PSPC1: variants seen among roughly 807,000 people sequenced by gnomAD.
PSPC1 encodes the protein paraspeckle protein 1.
A neutral mutation model predicts 51.6 loss-of-function variants in PSPC1; 14 were observed. The observed-to-expected ratio is 0.27, with a 90% CI of 0.18 to 0.42. The LOEUF (loss-of-function observed/expected upper bound fraction) is 0.42. Ranked by LOEUF, PSPC1 falls within the 10% of genes least tolerant of loss-of-function variation. The probability of loss-of-function intolerance (pLI) is 1.00; values close to 1 mark genes in which losing one functional copy is unlikely to be tolerated. For missense variants in PSPC1, 406 were observed against 701.1 expected, an observed-to-expected ratio of 0.58 and a Z score of 4.75; for synonymous variants, 193 against 231.9, an observed-to-expected ratio of 0.83 and a Z score of 1.53.
intron 6 of PSPC1, among the ~76,000 whole-genome samples, chr13:19,728,599 T>A (rs1253264682): frequency 6.6e-6 from 1 of 152,120 alleles, no homozygotes; most frequent in East Asian, 1.9e-4. Flanking sequence ...ATTAATATAC[T>A]CCCATTAACA....
chr13:19,715,949 G>A (rs1882040958), intron 6 of PSPC1, among the ~76,000 whole-genome samples: 1 of 152,102 alleles, frequency 6.6e-6, no homozygotes, highest in African/African-American at 2.4e-5. Flanking sequence ...GGGAGGCGGA[G>A]CTTGCAGTGA....
At position 19,751,840 on chromosome 13, in the gene PSPC1, G is replaced by A. The variant is rs372659499; in HGVS notation, c.771-373C>T. 5.1e-4 allele frequency among the ~76,000 whole-genome samples: 77 copies of A among 152,168 alleles called. 1 individual carries two copies. The South Asian group carries it at 0.015, about 30-fold the overall frequency. On this transcript the variant is annotated intron_variant, in intron 3 of 8. Coordinates refer to ENST00000338910, the MANE Select transcript of PSPC1 (RefSeq NM_001354909.2). ...CGGGAGGCCGAGGCGGGCAGATCAC[G>A]AGGTCAGGATATCAAGACCATCCTG...
downstream of PSPC1, chr13:19,671,410 C>G: frequency 1.3e-6 from 1 of 796,376 alleles, no homozygotes; most frequent in Non-Finnish European, 2.1e-6. Flanking sequence ...CAGGCACTCC[C>G]TGGGGTAGTG....
intron 3 of PSPC1, among the ~76,000 whole-genome samples, chr13:19,758,336 T>C (rs1887291518): frequency 6.6e-6 from 1 of 151,254 alleles, no homozygotes; most frequent in African/African-American, 2.4e-5. Flanking sequence ...TGCACTCATA[T>C]AGGCAATTTA....
chr13:19,700,571 T>C (rs947447690), downstream of PSPC1, among the ~76,000 whole-genome samples: 4 of 152,002 alleles, frequency 2.6e-5, no homozygotes, highest in South Asian at 2.1e-4. Context: ...TTACAAAATA[T>C]ACAAAAATGG....
chr13:19,681,803 G>A (rs1395086710), intron 6 of PSPC1, among the ~76,000 whole-genome samples: 1 of 152,072 alleles, frequency 6.6e-6, no homozygotes, highest in South Asian at 2.1e-4. Context: ...CATGACAAAG[G>A]CACAGACCAC....
At chr13:19,758,256 T>C (rs1887281049) in intron 3 of PSPC1, among the ~76,000 whole-genome samples, 1 of 151,286 alleles carries the variant, frequency 6.6e-6, no homozygotes, top group Non-Finnish European at 1.5e-5. Flanking sequence ...GAGCTTGCAG[T>C]GAGCCGAGAT....
chr13:19,699,888 C>CATT (rs139238047), downstream of PSPC1, among the ~76,000 whole-genome samples: 356 of 152,096 alleles, frequency 2.3e-3, 3 homozygotes, highest in African/African-American at 7.6e-3. Flanking sequence ...TATTTTAACA[C>CATT]ATTAGATGTT....
At chr13:19,735,862 C>T (rs1884711871) in intron 5 of PSPC1, among the ~76,000 whole-genome samples, 1 of 152,006 alleles carries the variant, frequency 6.6e-6, no homozygotes, top group Non-Finnish European at 1.5e-5. Context: ...CCCTCTGTCA[C>T]CCAGGCTGGA....
chr13:19,709,995 T>C (rs1314864795), intron 6 of PSPC1, among the ~76,000 whole-genome samples: 74 of 152,330 alleles, frequency 4.9e-4, no homozygotes, highest in African/African-American at 1.6e-3. Flanking sequence ...AAAATAGAAA[T>C]GACTGTTACC....
intron 6 of PSPC1, among the ~76,000 whole-genome samples, chr13:19,690,821 G>A (rs1383841450): frequency 6.6e-6 from 1 of 152,152 alleles, no homozygotes; most frequent in Non-Finnish European, 1.5e-5. Context: ...TCTTTAGACA[G>A]GGTACATATT....
chr13:19,714,667 G>A (rs950054699), intron 6 of PSPC1, among the ~76,000 whole-genome samples: 2 of 151,886 alleles, frequency 1.3e-5, no homozygotes, highest in African/African-American at 4.8e-5. Flanking sequence ...GATAATTTTT[G>A]TGTTTTTTGT....
intron 6 of PSPC1, among the ~76,000 whole-genome samples, chr13:19,728,238 TA>T (rs1384405105): frequency 6.6e-6 from 1 of 152,188 alleles, no homozygotes; most frequent in African/African-American, 2.4e-5. Context: ...ATTTTATACT[TA>T]AAAGTCCCAT....
chr13:19,712,679 A>G (rs1881589849), intron 6 of PSPC1, among the ~76,000 whole-genome samples: 1 of 152,142 alleles, frequency 6.6e-6, no homozygotes, highest in Non-Finnish European at 1.5e-5. Context: ...AGAATACTCC[A>G]TGCTACCATA....
downstream of PSPC1, chr13:19,673,341 T>C (rs1876265120): frequency 6.6e-6 from 2 of 301,126 alleles, no homozygotes; most frequent in Non-Finnish European, 1.3e-5. Context: ...ATGAAAACTT[T>C]TCAGAATTCA....
At chr13:19,709,279 G>A (rs1202017954) in intron 7 of PSPC1, among the ~76,000 whole-genome samples, 3 of 151,938 alleles carry the variant, frequency 2.0e-5, no homozygotes, top group African/African-American at 7.2e-5. Flanking sequence ...TTGCAACCTG[G>A]TTTATATGTT....
intron 5 of PSPC1, among the ~76,000 whole-genome samples, chr13:19,734,994 A>C (rs933994825): frequency 5.2e-5 from 4 of 76,470 alleles, no homozygotes; most frequent in Admixed American, 4.6e-4. Flanking sequence ...TCAAACAAAC[A>C]AACAAACAAA....
At chr13:19,725,150 C>T (rs1883230160) in intron 6 of PSPC1, among the ~76,000 whole-genome samples, 2 of 152,152 alleles carry the variant, frequency 1.3e-5, no homozygotes, top group African/African-American at 2.4e-5. Flanking sequence ...GAACTCCAGC[C>T]TAAGCGACAG....
At chr13:19,681,082 GCA>G (rs1332590965) in intron 6 of PSPC1, among the ~76,000 whole-genome samples, 4 of 152,076 alleles carry the variant, frequency 2.6e-5, no homozygotes, top group Non-Finnish European at 1.5e-5. Flanking sequence ...GAGTGCGGTG[GCA>G]CACACAGGTC....
Sources: gnomAD v4.1 joint callset for allele counts (sites outside exome capture counted in the v4.1 genomes callset) on GRCh38, gnomAD v4.1.1 for gene constraint, MANE v1.5 for transcripts, NCBI Gene and HGNC (gene_info 2026-07-23, HGNC 2026-07-21) for gene names.